PRKCB: variants seen among roughly 807,000 people sequenced by gnomAD.
PRKCB encodes protein kinase C beta type.
Under a neutral mutation model 81.5 loss-of-function variants are expected in PRKCB, and 13 were observed. The ratio of observed to expected loss-of-function variants is 0.16; its 90% CI spans 0.10 to 0.25. PRKCB has a LOEUF of 0.25. Among genes scored for constraint, PRKCB ranks in the 10% least tolerant of loss-of-function variants. The probability of loss-of-function intolerance (pLI) is 1.00; values close to 1 mark genes in which losing one functional copy is unlikely to be tolerated. For synonymous variants in PRKCB, 335 were observed against 321.4 expected (o/e 1.04, Z -0.45); for missense variants, 509 against 875.7 (o/e 0.58, Z 5.29).
chr16:24,204,266 A>G (rs1445202199), intron 16 of PRKCB, among the ~76,000 whole-genome samples: 1 of 152,124 alleles, frequency 6.6e-6, no homozygotes, highest in East Asian at 1.9e-4. Context: ...TGGAGCCAGG[A>G]TTGGTACCCA....
At chr16:24,122,913 G>T (rs1405315993) in intron 8 of PRKCB, among the ~76,000 whole-genome samples, 2 of 152,160 alleles carry the variant, frequency 1.3e-5, no homozygotes, top group African/African-American at 4.8e-5. Context: ...ACAGCTCATG[G>T]CAAGGAGTCC....
intron 2 of PRKCB, among the ~76,000 whole-genome samples, chr16:23,842,265 TG>T: frequency 6.6e-6 from 1 of 152,160 alleles, no homozygotes; most frequent in South Asian, 2.1e-4. Flanking sequence ...TCTCCTCATC[TG>T]TAAAATGGGG....
intron 3 of PRKCB, among the ~76,000 whole-genome samples, chr16:24,010,900 A>C (rs1965194805): frequency 6.6e-6 from 1 of 151,936 alleles, no homozygotes; most frequent in Admixed American, 6.6e-5. Flanking sequence ...ACAAGGTCTC[A>C]CTGTGTTGCC....
At chr16:23,976,026 T>C (rs1448736641) in intron 2 of PRKCB, among the ~76,000 whole-genome samples, 1 of 152,136 alleles carries the variant, frequency 6.6e-6, no homozygotes, top group East Asian at 1.9e-4. Flanking sequence ...CAAAAAAACT[T>C]TTCCTTGGTG....
chr16:23,992,035 C>T (rs370903634), intron 3 of PRKCB, among the ~76,000 whole-genome samples: 2 of 152,214 alleles, frequency 1.3e-5, no homozygotes, highest in East Asian at 3.9e-4. Context: ...AGATAGTGCC[C>T]CTATAAAAAA....
At chr16:24,061,560 C>G (rs772334602) in intron 5 of PRKCB, among the ~76,000 whole-genome samples, 2 of 152,150 alleles carry the variant, frequency 1.3e-5, no homozygotes, top group Non-Finnish European at 2.9e-5. Flanking sequence ...TTCCAGGGTT[C>G]CATCAGCAAA....
At chr16:23,909,022 G>T (rs969713253) in intron 2 of PRKCB, among the ~76,000 whole-genome samples, 4 of 152,328 alleles carry the variant, frequency 2.6e-5, no homozygotes, top group African/African-American at 7.2e-5. Flanking sequence ...GAAGGCAGGG[G>T]TTTGTTTTGT....
intron 5 of PRKCB, among the ~76,000 whole-genome samples, chr16:24,042,807 G>A (rs974442288): frequency 6.8e-6 from 1 of 148,064 alleles, no homozygotes; most frequent in African/African-American, 2.5e-5. Flanking sequence ...GCGTAATCAC[G>A]GCTTACTGCA....
At chr16:24,049,047 G>GTTTTTTT (rs1160842975) in intron 5 of PRKCB, among the ~76,000 whole-genome samples, 605 of 49,698 alleles carry the variant, frequency 0.012, 116 homozygotes, top group African/African-American at 0.016. Flanking sequence ...AAATTGGCCT[G>GTTTTTTT]TTTTTTTTTT....
intron 2 of PRKCB, among the ~76,000 whole-genome samples, chr16:23,900,152 CA>C (rs1332859883): frequency 6.6e-6 from 1 of 152,094 alleles, no homozygotes; most frequent in African/African-American, 2.4e-5. Flanking sequence ...TGCTACTGAA[CA>C]AAATATACAA....
chr16:24,042,427 T>C (rs1965711755), intron 5 of PRKCB, among the ~76,000 whole-genome samples: 1 of 152,226 alleles, frequency 6.6e-6, no homozygotes, highest in South Asian at 2.1e-4. Context: ...TTTTACATTA[T>C]TGGTTTGTAA....
intron 3 of PRKCB, among the ~76,000 whole-genome samples, chr16:23,989,684 T>C (rs1397494911): frequency 6.6e-6 from 1 of 152,140 alleles, no homozygotes; most frequent in African/African-American, 2.4e-5. Flanking sequence ...ACAGTATGGG[T>C]GATATAAGGA....
intron 2 of PRKCB, among the ~76,000 whole-genome samples, chr16:23,943,434 C>T (rs551411242): frequency 5.3e-5 from 8 of 152,150 alleles, no homozygotes; most frequent in Non-Finnish European, 7.4e-5. Flanking sequence ...GAGGCTGAGG[C>T]GGGAGGATCA....
chr16:23,983,702 G>C (rs760153963), intron 2 of PRKCB, among the ~76,000 whole-genome samples: 1 of 152,000 alleles, frequency 6.6e-6, no homozygotes, highest in Non-Finnish European at 1.5e-5. Context: ...AGGGGATAAA[G>C]ATGAATAAGA....
chr16:24,197,140 C>T (rs189946278), intron 16 of PRKCB, among the ~76,000 whole-genome samples: 16 of 152,218 alleles, frequency 1.1e-4, no homozygotes, highest in Admixed American at 7.9e-4. Context: ...AATTAACATC[C>T]CTGCCTTCAT....
intron 3 of PRKCB, among the ~76,000 whole-genome samples, chr16:24,002,316 T>C (rs1297122354): frequency 8.0e-6 from 1 of 124,882 alleles, no homozygotes; most frequent in South Asian, 3.2e-4. Flanking sequence ...TGTGTGTATG[T>C]GTGTGTGCGT....
At chr16:24,149,516 C>A (rs1967044951) in intron 9 of PRKCB, among the ~76,000 whole-genome samples, 1 of 152,192 alleles carries the variant, frequency 6.6e-6, no homozygotes, top group African/African-American at 2.4e-5. Flanking sequence ...CTACTGACAT[C>A]TCCTAGCCAC....
At chr16:24,109,384 C>G (rs1445858537) in intron 7 of PRKCB, among the ~76,000 whole-genome samples, 5 of 122,922 alleles carry the variant, frequency 4.1e-5, no homozygotes, top group Non-Finnish European at 8.3e-5. Context: ...CTCCTCACTT[C>G]TCAGACGGGG....
chr16:24,101,501 C>T (rs1318654538), intron 7 of PRKCB, among the ~76,000 whole-genome samples: 1 of 152,172 alleles, frequency 6.6e-6, no homozygotes, highest in Non-Finnish European at 1.5e-5. Context: ...ATTGTGTCAT[C>T]GCACTCCAGC....
Sources: allele counts gnomAD v4.1 joint callset (sites outside exome capture counted in the v4.1 genomes callset), GRCh38; gene constraint gnomAD v4.1.1; transcripts MANE v1.5; gene names NCBI Gene and HGNC (gene_info 2026-07-23, HGNC 2026-07-21).